The following ST8SIA1 variants were observed in gnomAD, a reference collection of about 807,000 sequenced individuals.
ST8SIA1 encodes alpha-N-acetylneuraminide alpha-2,8-sialyltransferase.
ST8SIA1 carries 16 observed loss-of-function variants against 35.9 expected under a neutral mutation model. That is an observed-to-expected ratio of 0.45 (90% confidence interval 0.30 to 0.68). The LOEUF (loss-of-function observed/expected upper bound fraction) is 0.68, where lower values mean the gene tolerates loss of function less well. Ranked by LOEUF, ST8SIA1 falls within the 30% of genes least tolerant of loss-of-function variation. The pLI is 0.09. For missense variants in ST8SIA1, 383 were observed against 453.6 expected, an observed-to-expected ratio of 0.84 and a Z score of 1.41; for synonymous variants, 170 against 169.6, an observed-to-expected ratio of 1.00 and a Z score of -0.02.
intron 2 of ST8SIA1, among the ~76,000 whole-genome samples, chr12:22,285,102 C>T (rs1237268761): frequency 6.6e-6 from 1 of 152,252 alleles, no homozygotes; most frequent in East Asian, 1.9e-4. Context: ...TTTCCAGCTT[C>T]CTGCTGAAGC....
chr12:22,273,454 G>A (rs1245816285), intron 2 of ST8SIA1, among the ~76,000 whole-genome samples: 4 of 152,034 alleles, frequency 2.6e-5, no homozygotes, highest in Non-Finnish European at 5.9e-5. Context: ...TTGGGTAGGG[G>A]GACCACCCCT....
chr12:22,311,606 C>A (rs1418835320), intron 1 of ST8SIA1, among the ~76,000 whole-genome samples: 1 of 152,058 alleles, frequency 6.6e-6, no homozygotes, highest in Non-Finnish European at 1.5e-5. Flanking sequence ...AAAATGTTAA[C>A]ATATAAAGGC....
intron 4 of ST8SIA1, among the ~76,000 whole-genome samples, chr12:22,224,140 C>T (rs1275675924): frequency 2.0e-5 from 3 of 151,994 alleles, no homozygotes; most frequent in African/African-American, 7.3e-5. Context: ...AGATAATTTG[C>T]TTCCAGCTCT....
chr12:22,231,094 T>G (rs1865414650), intron 4 of ST8SIA1, among the ~76,000 whole-genome samples: 1 of 148,744 alleles, frequency 6.7e-6, no homozygotes, highest in Non-Finnish European at 1.5e-5. Flanking sequence ...AAATATATAA[T>G]TATATACTTT....
chr12:22,242,474 T>C (rs1865551913), intron 4 of ST8SIA1, among the ~76,000 whole-genome samples: 1 of 152,146 alleles, frequency 6.6e-6, no homozygotes, highest in South Asian at 2.1e-4. Flanking sequence ...TTAAAGCATA[T>C]GTATATAATG....
intron 1 of ST8SIA1, among the ~76,000 whole-genome samples, chr12:22,307,383 G>C (rs1866399043): frequency 1.3e-5 from 2 of 152,126 alleles, no homozygotes. Flanking sequence ...TTTAAGCCTA[G>C]TTGCTAACAT....
intron 4 of ST8SIA1, among the ~76,000 whole-genome samples, chr12:22,211,756 G>T (rs1865178260): frequency 6.6e-6 from 1 of 152,130 alleles, no homozygotes; most frequent in African/African-American, 2.4e-5. Flanking sequence ...CTGTCGCCCA[G>T]ACTGGAGTGC....
At chr12:22,314,419 G>A (rs1866490993) in intron 1 of ST8SIA1, among the ~76,000 whole-genome samples, 1 of 152,104 alleles carries the variant, frequency 6.6e-6, no homozygotes, top group African/African-American at 2.4e-5. Context: ...GCATCTACTG[G>A]GAGGATCACT....
At chr12:22,312,704 C>A (rs12815963) in intron 1 of ST8SIA1, among the ~76,000 whole-genome samples, 1 of 143,434 alleles carries the variant, frequency 7.0e-6, no homozygotes, top group African/African-American at 2.7e-5. Flanking sequence ...GTAGGGGCGT[C>A]ACGGAAATGA....
intron 2 of ST8SIA1, among the ~76,000 whole-genome samples, chr12:22,282,263 A>AC (rs1866045929): frequency 6.6e-6 from 1 of 152,102 alleles, no homozygotes; most frequent in African/African-American, 2.4e-5. Context: ...AAGGTATTTA[A>AC]CCCCTCTCAG....
chr12:22,227,447 G>T (rs1023611779), intron 4 of ST8SIA1, among the ~76,000 whole-genome samples: 1 of 151,764 alleles, frequency 6.6e-6, no homozygotes, highest in Non-Finnish European at 1.5e-5. Flanking sequence ...GGTGGTGGGC[G>T]CCTGTAATCC....
intron 4 of ST8SIA1, among the ~76,000 whole-genome samples, chr12:22,221,650 T>G (rs547179958): frequency 6.6e-6 from 1 of 152,344 alleles, no homozygotes; most frequent in East Asian, 1.9e-4. Context: ...GCAAAACAGT[T>G]GATTCAGAGG....
chr12:22,255,381 T>A lies in ST8SIA1; in HGVS notation c.390A>T (p.Pro130=). ...STYSLFPQAT[P]FQLPLKKCAV... ...CGCATTTCTTCAATGGCAGCTGGAA[T>A]GGGGTTGCCTAGCAACAGAAAACAA... Residue 130 remains proline, a synonymous_variant, in exon 3 of 5, where the codon CCA becomes CCT. Coordinates refer to ENST00000396037, the MANE Select transcript of ST8SIA1 (RefSeq NM_003034.4). The A allele has an allele frequency of 6.2e-7, 1 of 1,614,148 alleles. No homozygotes were observed. The highest frequency in any genetic ancestry group is 8.5e-7 in the Non-Finnish European group (1 of 1,179,970).
At chr12:22,238,681 C>T (rs1483017082) in intron 4 of ST8SIA1, among the ~76,000 whole-genome samples, 1 of 152,202 alleles carries the variant, frequency 6.6e-6, no homozygotes, top group Non-Finnish European at 1.5e-5. Context: ...TCAATCTCCC[C>T]CTCCTAACTT....
chr12:22,299,807 C>T (rs1866296411), intron 1 of ST8SIA1, among the ~76,000 whole-genome samples: 1 of 152,110 alleles, frequency 6.6e-6, no homozygotes, highest in South Asian at 2.1e-4. Context: ...TTAAAAGCCA[C>T]AAAATACTGA....
At chr12:22,263,404 TCTG>T (rs1230784686) in intron 2 of ST8SIA1, among the ~76,000 whole-genome samples, 1 of 152,228 alleles carries the variant, frequency 6.6e-6, no homozygotes, top group African/African-American at 2.4e-5. Flanking sequence ...TCCTCTTTTA[TCTG>T]CAGCCTACAT....
chr12:22,251,066 T>C (rs146721697), intron 3 of ST8SIA1, among the ~76,000 whole-genome samples: 3 of 152,330 alleles, frequency 2.0e-5, no homozygotes, highest in East Asian at 1.9e-4. Flanking sequence ...TGGTAACTGA[T>C]TGTGGTCTTG....
chr12:22,220,207 A>G (rs1235355367), intron 4 of ST8SIA1, among the ~76,000 whole-genome samples: 1 of 152,224 alleles, frequency 6.6e-6, no homozygotes, highest in African/African-American at 2.4e-5. Flanking sequence ...TCACATGATG[A>G]GACACGAGCA....
At chr12:22,269,444 G>A (rs201572879) in intron 2 of ST8SIA1, among the ~76,000 whole-genome samples, 1 of 151,980 alleles carries the variant, frequency 6.6e-6, no homozygotes, top group African/African-American at 2.4e-5. Flanking sequence ...AACCAAAATG[G>A]GATCAGGTGA....
Sources: gnomAD v4.1 joint callset for allele counts (sites outside exome capture counted in the v4.1 genomes callset) on GRCh38, gnomAD v4.1.1 for gene constraint, MANE v1.5 for transcripts, NCBI Gene and HGNC (gene_info 2026-07-23, HGNC 2026-07-21) for gene names.